The following ACSL1 variants were observed in gnomAD, a reference collection of about 807,000 sequenced individuals.
ACSL1 encodes the protein long-chain-fatty-acid--CoA ligase 1.
In ACSL1, 41 loss-of-function variants were observed where a neutral mutation model predicts 98.4. The observed-to-expected ratio is 0.42, with a 90% confidence interval of 0.32 to 0.54. The LOEUF (loss-of-function observed/expected upper bound fraction) is 0.54, where lower values mean the gene tolerates loss of function less well. Among genes scored for constraint, ACSL1 ranks in the 20% least tolerant of loss-of-function variants. The probability of loss-of-function intolerance (pLI) is 0.13; values close to 1 mark genes in which losing one functional copy is unlikely to be tolerated. For missense variants in ACSL1, 734 were observed against 883.1 expected, an observed-to-expected ratio of 0.83 and a Z score of 2.14; for synonymous variants, 316 against 322.7, an observed-to-expected ratio of 0.98 and a Z score of 0.22.
At chr4:184,805,423 G>A (rs960988499) in intron 1 of ACSL1, 23 of 969,886 alleles carry the variant, frequency 2.4e-5, no homozygotes, top group African/African-American at 1.9e-4. Context: ...ACACACACAC[G>A]AAATTTCAAG....
chr4:184,776,623 G>A lies in ACSL1; in HGVS notation c.617C>T (p.Ala206Val), dbSNP rs1160355236. The A allele has an allele frequency of 6.2e-7, 1 of 1,612,998 alleles. No homozygotes were observed. Among genetic ancestry groups the A allele is most frequent in the Non-Finnish European group, 8.5e-7 (1 of 1,179,988 alleles). ...SLVFVDKPEK[A>V]KLLLEGVENK... ...TTCTACACCCTCTAATAAGAGTTTGGCCTTCTCTGGCTTGTCAACAAAAAC... is the reference window on the plus strand; with the variant it reads ...TTCTACACCCTCTAATAAGAGTTTGACCTTCTCTGGCTTGTCAACAAAAAC... Residue 206 changes from alanine to valine, a missense_variant, in exon 7 of 21, where the codon GCC becomes GTC. Transcript: ENST00000281455.
Position 184,825,363 on chromosome 4 carries a change from TGTCTGCCTC to T in ACSL1, c.-33+544_-33+552del, listed in dbSNP as rs1363958018. The T allele has an allele frequency of 3.9e-6, 2 of 516,792 alleles. No homozygotes were observed. The highest frequency in any genetic ancestry group is 5.0e-6 in the Non-Finnish European group (2 of 402,224). 32.0% of individuals were successfully genotyped at this position (516,792 alleles called of 1,614,324 possible). ...CACTCCTCTGGAGTCACCGAGAGAA[TGTCTGCCTC>T]TGGCAGCGGCCTCTGAGCTGCCTGT... On this transcript the variant is annotated intron_variant, in intron 1 of 20. Transcript: ENST00000281455. This position sits in a 1 kb window ranked among gnomAD's most constrained non-coding sequence, Gnocchi z 4.7.
At chr4:184,796,915 G>A (rs1295967719) in intron 2 of ACSL1, among the ~76,000 whole-genome samples, 2 of 152,200 alleles carry the variant, frequency 1.3e-5, no homozygotes, top group Non-Finnish European at 2.9e-5. Context: ...GCGTTCACCT[G>A]ATACCTCCCA....
chr4:184,825,123 T>C lies in ACSL1; in HGVS notation c.-33+793A>G, dbSNP rs1773364139. ...TTAATTATGCTCCATAACCTTGAAA[T>C]TGGACTGAGTGGGGAAGGGGTTTCC... On this transcript the variant is annotated intron_variant, in intron 1 of 20. Transcript: ENST00000281455. This position sits in a 1 kb window ranked among gnomAD's most constrained non-coding sequence, Gnocchi z 4.7. 1.4e-5 allele frequency: 13 copies of C among 949,322 alleles called. No individual in the cohort carries two copies. The highest frequency in any genetic ancestry group is 1.6e-5 in the Non-Finnish European group (13 of 797,218). The allele number at this position is 949,322 out of a possible 1,614,324, so 58.8% of individuals were successfully genotyped here. A position where few individuals can be genotyped will look rare whatever the true frequency, so the allele number is the denominator to read the frequency against.
intron 1 of ACSL1, among the ~76,000 whole-genome samples, chr4:184,810,315 C>A (rs956754783): frequency 2.0e-5 from 3 of 152,190 alleles, no homozygotes; most frequent in Admixed American, 6.5e-5. Context: ...CCCTCTCTCC[C>A]CGAGGCTGTT....
intron 15 of ACSL1, among the ~76,000 whole-genome samples, chr4:184,763,950 G>A (rs1409461333): frequency 1.3e-5 from 2 of 152,070 alleles, no homozygotes; most frequent in Non-Finnish European, 2.9e-5. Flanking sequence ...AGGAAACTGA[G>A]GTTAAAAATT....
chr4:184,758,631 T>C (rs2150254903), intron 18 of ACSL1: 1 of 152,262 alleles, frequency 6.6e-6, no homozygotes, highest in South Asian at 2.1e-4. Flanking sequence ...TATAATCTAC[T>C]AACAATAAAA....
At chr4:184,762,896 A>G (rs1561174263) in intron 16 of ACSL1, among the ~76,000 whole-genome samples, 1 of 152,226 alleles carries the variant, frequency 6.6e-6, no homozygotes, top group Non-Finnish European at 1.5e-5. Flanking sequence ...CGTCCCAGGA[A>G]CTGAGGCCAC....
At chr4:184,770,378 A>T in intron 11 of ACSL1, 21 bp downstream of exon 11, 1 of 1,612,350 alleles carries the variant, frequency 6.2e-7, no homozygotes, top group Non-Finnish European at 8.5e-7. Context: ...ACAAGCAAGG[A>T]AAACAAAATT....
At chr4:184,810,991 G>A (rs554285583) in intron 1 of ACSL1, among the ~76,000 whole-genome samples, 196 of 152,340 alleles carry the variant, frequency 1.3e-3, no homozygotes, top group Non-Finnish European at 2.5e-3. Flanking sequence ...TGGGTCTGAA[G>A]CCAAAGCCCA....
At chr4:184,793,349 G>C (rs1192980376) in intron 2 of ACSL1, among the ~76,000 whole-genome samples, 1 of 152,148 alleles carries the variant, frequency 6.6e-6, no homozygotes, top group Non-Finnish European at 1.5e-5. Context: ...TCCCCCTTGG[G>C]GGCAGGAAGG....
chr4:184,760,580 A>C, intron 17 of ACSL1, 80 bp from the exon 18 acceptor site: 1 of 1,558,960 alleles, frequency 6.4e-7, no homozygotes, highest in African/African-American at 1.4e-5. Context: ...CAACACTGAA[A>C]GGTATTTAAT....
At chr4:184,792,298 G>A (rs923507227) in intron 2 of ACSL1, among the ~76,000 whole-genome samples, 1 of 152,146 alleles carries the variant, frequency 6.6e-6, no homozygotes, top group African/African-American at 2.4e-5. Context: ...CGGGATAAAA[G>A]GTCACACTGT....
intron 7 of ACSL1, 48 bp downstream of exon 7, chr4:184,776,436 C>T (rs769022681): frequency 8.2e-6 from 13 of 1,579,192 alleles, no homozygotes; most frequent in Middle Eastern, 2.2e-4. Context: ...TGAGCCAACA[C>T]GGCCCCAGGG....
At chr4:184,812,824 G>T (rs1772256853) in intron 1 of ACSL1, among the ~76,000 whole-genome samples, 2 of 152,074 alleles carry the variant, frequency 1.3e-5, no homozygotes, top group African/African-American at 2.4e-5. Flanking sequence ...CCCCATACCA[G>T]GGCTGGACTC....
intron 1 of ACSL1, among the ~76,000 whole-genome samples, chr4:184,821,642 T>C (rs1425467344): frequency 1.3e-5 from 2 of 152,276 alleles, no homozygotes; most frequent in Non-Finnish European, 2.9e-5. Flanking sequence ...TTTTATTTTT[T>C]AAAGACGTAT....
rs752440254 is a variant in ACSL1 at position 184,766,644 on chromosome 4, C to T, written c.1241G>A (p.Arg414Gln). Residue 414 changes from arginine (R) to glutamine (Q), a missense_variant, in exon 13 of 21, where the codon CGG (arginine) becomes CAG (glutamine). Transcript: ENST00000281455. This position sits in a 1 kb window ranked among gnomAD's most constrained non-coding sequence, Gnocchi z 4.8. The part of the protein sequence containing the change: ...GIIRNNSLWD[R>Q]LIFHKVQSSL... ...TACCTGTACTTTGTGGAAGATCAGC[C>T]GGTCCCACAGGCTGTTGTTTCTGAT... is the stretch of plus-strand genomic sequence containing the variant. 18 of 1,613,946 alleles carry T rather than the reference C, an allele frequency of 1.1e-5. 1 individual carries two copies. The highest frequency in any genetic ancestry group is 3.3e-5 in the Admixed American group (2 of 59,992).
At chr4:184,812,104 G>A in intron 1 of ACSL1, 6 of 831,636 alleles carry the variant, frequency 7.2e-6, no homozygotes, top group Non-Finnish European at 7.3e-6. Flanking sequence ...TGAACTCCAG[G>A]ACTTCTTTAT....
At chr4:184,795,071 C>G (rs1769113608) in intron 2 of ACSL1, among the ~76,000 whole-genome samples, 1 of 152,206 alleles carries the variant, frequency 6.6e-6, no homozygotes, top group Admixed American at 6.5e-5. Flanking sequence ...GTCCAAATTC[C>G]TACAAATACA....
Sources: allele counts gnomAD v4.1 joint callset (sites outside exome capture counted in the v4.1 genomes callset), GRCh38; gene constraint gnomAD v4.1.1; non-coding constraint Gnocchi (gnomAD v3.1); transcripts MANE v1.5; gene names NCBI Gene and HGNC (gene_info 2026-07-23, HGNC 2026-07-21).